The following GPC5 variants were observed in gnomAD, a reference collection of about 807,000 sequenced individuals.
The protein encoded by GPC5 is glypican 5, also known as glypican-5.
In GPC5, 47 loss-of-function variants were observed where a neutral mutation model predicts 53.9. The ratio of observed to expected loss-of-function variants is 0.87; its 90% confidence interval spans 0.69 to 1.11. The LOEUF is 1.11. Ranked by LOEUF, GPC5 falls within the 50% of genes most tolerant of loss-of-function variation. The pLI is 0.00. For synonymous variants in GPC5, 286 were observed against 263.3 expected (o/e 1.09, Z -0.84); for missense variants, 748 against 713.1 (o/e 1.05, Z -0.56).
At chr13:92,718,170 T>TATCA (rs1888391693) in intron 7 of GPC5, among the ~76,000 whole-genome samples, 1 of 152,092 alleles carries the variant, frequency 6.6e-6, no homozygotes, top group South Asian at 2.1e-4. Flanking sequence ...AAAATAGAAC[T>TATCA]ATCATATGAT....
intron 7 of GPC5, among the ~76,000 whole-genome samples, chr13:92,335,388 G>A (rs960567875): frequency 6.6e-6 from 1 of 152,102 alleles, no homozygotes; most frequent in African/African-American, 2.4e-5. Flanking sequence ...CAGAAGGGGG[G>A]CCCTCGTCCT....
intron 6 of GPC5, among the ~76,000 whole-genome samples, chr13:92,053,400 A>C (rs1311743031): frequency 6.6e-6 from 1 of 152,186 alleles, no homozygotes; most frequent in Non-Finnish European, 1.5e-5. Context: ...TCTGAGCACA[A>C]ACGTTTGGGC....
intron 7 of GPC5, among the ~76,000 whole-genome samples, chr13:92,489,092 T>C (rs1489797970): frequency 6.6e-6 from 1 of 152,204 alleles, no homozygotes; most frequent in Non-Finnish European, 1.5e-5. Context: ...TCTTCATCTC[T>C]CTTTGACAAT....
rs1033165371 is a variant in GPC5 at position 91,485,208 on chromosome 13, G to T, written c.325+36286G>T. Among the ~76,000 whole-genome samples, 8 of 129,362 alleles carry T rather than the reference G, an allele frequency of 6.2e-5. No homozygotes were observed. The East Asian group carries it at 1.5e-3, about 24-fold the overall frequency. The allele number at this position is 129,362 out of a possible 152,430, so 84.9% of individuals were successfully genotyped here. A position where few individuals can be genotyped will look rare whatever the true frequency, so the allele number is the denominator to read the frequency against. On this transcript the variant is annotated intron_variant, in intron 2 of 7. Coordinates refer to ENST00000377067, the MANE Select transcript of GPC5 (RefSeq NM_004466.6). ...TTTGTTTCTGTACCATCATAATCTTGGTCCCTTTTTTTTTTTTTTTTGAGA... is the reference window on the plus strand; with the variant it reads ...TTTGTTTCTGTACCATCATAATCTTTGTCCCTTTTTTTTTTTTTTTTGAGA...
intron 7 of GPC5, among the ~76,000 whole-genome samples, chr13:92,372,326 C>G (rs1339557631): frequency 6.6e-6 from 1 of 152,112 alleles, no homozygotes; most frequent in Non-Finnish European, 1.5e-5. Flanking sequence ...AAAAGTTTAT[C>G]CTCTGTGAAA....
At chr13:92,715,927 C>T (rs1451656986) in intron 7 of GPC5, among the ~76,000 whole-genome samples, 1 of 152,148 alleles carries the variant, frequency 6.6e-6, no homozygotes, top group African/African-American at 2.4e-5. Flanking sequence ...TTTGAAGATT[C>T]TGATCCAACA....
intron 2 of GPC5, among the ~76,000 whole-genome samples, chr13:91,625,169 A>T (rs2033965870): frequency 6.6e-6 from 1 of 151,802 alleles, no homozygotes; most frequent in Non-Finnish European, 1.5e-5. Context: ...GCATAAAACT[A>T]CATAGGCCAA....
chr13:92,754,635 A>C (rs1210504648), intron 7 of GPC5, among the ~76,000 whole-genome samples: 1 of 151,464 alleles, frequency 6.6e-6, no homozygotes, highest in Non-Finnish European at 1.5e-5. Flanking sequence ...ATGGAGGAAG[A>C]TCTACCAAGC....
At chr13:92,201,877 C>G (rs1280078906) in intron 7 of GPC5, among the ~76,000 whole-genome samples, 2 of 152,094 alleles carry the variant, frequency 1.3e-5, no homozygotes, top group Non-Finnish European at 2.9e-5. Flanking sequence ...CAACAAAATA[C>G]AGTAATAAGG....
At chr13:92,567,268 T>C (rs1447932175) in intron 7 of GPC5, among the ~76,000 whole-genome samples, 2 of 152,116 alleles carry the variant, frequency 1.3e-5, no homozygotes, top group African/African-American at 4.8e-5. Flanking sequence ...ACCCATCATC[T>C]TTACCCTGTT....
At chr13:92,834,131 T>C (rs1407667511) in intron 7 of GPC5, among the ~76,000 whole-genome samples, 1 of 152,150 alleles carries the variant, frequency 6.6e-6, no homozygotes, top group East Asian at 1.9e-4. Flanking sequence ...GACTCCGTGA[T>C]TGATTGGAGA....
At chr13:91,459,200 A>C (rs1881766532) in intron 2 of GPC5, among the ~76,000 whole-genome samples, 1 of 151,830 alleles carries the variant, frequency 6.6e-6, no homozygotes, top group Non-Finnish European at 1.5e-5. Flanking sequence ...GTACCCCAAA[A>C]ACCTATTGAA....
intron 5 of GPC5, among the ~76,000 whole-genome samples, chr13:91,844,369 T>C (rs560725825): frequency 1.7e-4 from 26 of 152,322 alleles, no homozygotes; most frequent in African/African-American, 6.3e-4. Flanking sequence ...GTGTGCTCTC[T>C]GCGGAAACTT....
chr13:92,602,213 A>G (rs1329602690), intron 7 of GPC5, among the ~76,000 whole-genome samples: 1 of 11,600 alleles, frequency 8.6e-5, no homozygotes, highest in Non-Finnish European at 3.9e-4. Flanking sequence ...TATATTACAT[A>G]TATATAAATA....
chr13:91,853,958 A>G (rs1450827961), intron 5 of GPC5, among the ~76,000 whole-genome samples: 4 of 151,832 alleles, frequency 2.6e-5, no homozygotes, highest in Non-Finnish European at 4.4e-5. Context: ...CCTCAGAGTA[A>G]CATAATAGCT....
At chr13:91,603,843 A>C (rs1422473888) in intron 2 of GPC5, among the ~76,000 whole-genome samples, 2 of 152,076 alleles carry the variant, frequency 1.3e-5, no homozygotes, top group African/African-American at 4.8e-5. Context: ...ATCTTCATCT[A>C]TATTGGTTTA....
chr13:92,248,781 C>T (rs1262926007), intron 7 of GPC5, among the ~76,000 whole-genome samples: 1 of 152,080 alleles, frequency 6.6e-6, no homozygotes. Flanking sequence ...ATCAGGAAAA[C>T]TCTTGTTTCA....
intron 7 of GPC5, among the ~76,000 whole-genome samples, chr13:92,773,923 A>C (rs942951460): frequency 4.6e-5 from 7 of 152,236 alleles, no homozygotes; most frequent in African/African-American, 1.7e-4. Flanking sequence ...AAGGCAAAGG[A>C]GGAGCAAAAT....
intron 2 of GPC5, among the ~76,000 whole-genome samples, chr13:91,679,590 T>C (rs1021353812): frequency 2.0e-5 from 3 of 152,214 alleles, no homozygotes; most frequent in Non-Finnish European, 4.4e-5. Flanking sequence ...TGCATTTGCA[T>C]TTATAGTACA....
Sources: gnomAD v4.1 joint callset for allele counts (sites outside exome capture counted in the v4.1 genomes callset) on GRCh38, gnomAD v4.1.1 for gene constraint, MANE v1.5 for transcripts, NCBI Gene and HGNC (gene_info 2026-07-23, HGNC 2026-07-21) for gene names.